The following SLIT2 variants were observed in gnomAD, a reference collection of about 807,000 sequenced individuals.
The protein encoded by SLIT2 is slit homolog 2 protein.
In SLIT2, 41 loss-of-function variants were observed where a neutral mutation model predicts 185.7. That is an observed-to-expected ratio of 0.22 (90% CI 0.17 to 0.29). The LOEUF is 0.29. Ranked by LOEUF, SLIT2 falls within the 10% of genes least tolerant of loss-of-function variation. The pLI is 1.00. For missense variants in SLIT2, 1,571 were observed against 1,909.0 expected, an observed-to-expected ratio of 0.82 and a Z score of 3.30; for synonymous variants, 693 against 680.2, an observed-to-expected ratio of 1.02 and a Z score of -0.29.
intron 5 of SLIT2, among the ~76,000 whole-genome samples, chr4:20,475,488 T>G (rs1419795859): frequency 6.6e-6 from 1 of 152,088 alleles, no homozygotes; most frequent in Non-Finnish European, 1.5e-5. Flanking sequence ...CCTGAGTCAC[T>G]ATGTATTGAG....
chr4:20,352,300 T>A (rs1041944307), intron 4 of SLIT2, among the ~76,000 whole-genome samples: 1 of 80,036 alleles, frequency 1.2e-5, no homozygotes, highest in African/African-American at 4.6e-5. Context: ...TCTTCTCACC[T>A]TTTTTTTTAT....
intron 9 of SLIT2, among the ~76,000 whole-genome samples, chr4:20,496,814 C>CAA (rs1414262211): frequency 6.6e-6 from 1 of 151,980 alleles, no homozygotes; most frequent in Non-Finnish European, 1.5e-5. Flanking sequence ...ATTAATCAGA[C>CAA]ATTTGGAACA....
At chr4:20,265,491 C>A (rs1416145717) in intron 3 of SLIT2, among the ~76,000 whole-genome samples, 1 of 151,882 alleles carries the variant, frequency 6.6e-6, no homozygotes, top group Non-Finnish European at 1.5e-5. Context: ...CATATTACCA[C>A]ATTACTTACG....
rs78512130 is a variant in SLIT2, at chr4:20,373,239, G to T, written c.396-94513G>T. ...CGCTATTATCATACTCAAGAAAACTGCTTTTTCACTTTGTTTAAACTGTAT... is the reference window on the plus strand; with the variant it reads ...CGCTATTATCATACTCAAGAAAACTTCTTTTTCACTTTGTTTAAACTGTAT... On this transcript the variant is annotated intron_variant, in intron 4 of 36. Transcript: ENST00000504154. Among the ~76,000 whole-genome samples, 572 of 152,076 alleles carry T rather than the reference G, an allele frequency of 3.8e-3. 9 individuals are homozygous for T. The highest frequency in any genetic ancestry group is 0.013 in the African/African-American group (525 of 41,522).
intron 4 of SLIT2, among the ~76,000 whole-genome samples, chr4:20,351,036 G>T (rs1471937362): frequency 1.3e-5 from 2 of 150,210 alleles, no homozygotes; most frequent in Admixed American, 6.7e-5. Flanking sequence ...GTTTGATATA[G>T]TCTGTTTCTT....
intron 4 of SLIT2, among the ~76,000 whole-genome samples, chr4:20,310,052 C>T (rs574540744): frequency 3.2e-4 from 49 of 152,246 alleles, no homozygotes; most frequent in African/African-American, 8.9e-4. Flanking sequence ...TGAGCCACCG[C>T]GTCCGGCCCC....
intron 4 of SLIT2, among the ~76,000 whole-genome samples, chr4:20,292,216 C>T (rs1716023378): frequency 6.6e-6 from 1 of 152,102 alleles, no homozygotes; most frequent in Non-Finnish European, 1.5e-5. Context: ...TCTGCTCTGC[C>T]TCTGGGATAG....
intron 4 of SLIT2, among the ~76,000 whole-genome samples, chr4:20,455,910 C>T (rs554855288): frequency 6.6e-6 from 1 of 152,144 alleles, no homozygotes; most frequent in South Asian, 2.1e-4. Context: ...TATTTCTAGG[C>T]ATTTTTTCAA....
chr4:20,388,792 A>T (rs28758427), intron 4 of SLIT2, among the ~76,000 whole-genome samples: 72,157 of 131,300 alleles, frequency 0.55, 20,124 homozygotes, highest in African/African-American at 0.6. Context: ...AAAAAAAAAA[A>T]ATATATATAT....
At chr4:20,557,338 T>C (rs1375324955) in intron 26 of SLIT2, among the ~76,000 whole-genome samples, 3 of 152,018 alleles carry the variant, frequency 2.0e-5, no homozygotes, top group African/African-American at 7.3e-5. Context: ...CTGACTGTCT[T>C]GTTAGGGGCT....
intron 4 of SLIT2, among the ~76,000 whole-genome samples, chr4:20,405,406 C>T (rs2109411202): frequency 6.6e-6 from 1 of 151,970 alleles, no homozygotes; most frequent in African/African-American, 2.4e-5. Context: ...AAGGTGAAAA[C>T]ACAGAATTTG....
At chr4:20,599,721 T>C (rs1251823220) in intron 33 of SLIT2, among the ~76,000 whole-genome samples, 1 of 152,152 alleles carries the variant, frequency 6.6e-6, no homozygotes, top group Admixed American at 6.5e-5. Context: ...CCTTTAGATA[T>C]CAGTGTGCAT....
Position 20,282,660 on chromosome 4 carries a change from G to A in SLIT2, c.395+13779G>A, listed in dbSNP as rs1577364478. ...TGTGGTGGCTACAGTGTACACTTGT[G>A]TGTTAATCTTAAAGGCATACTACAA... On this transcript the variant is annotated intron_variant, in intron 4 of 36. Coordinates refer to ENST00000504154, the MANE Select transcript of SLIT2 (RefSeq NM_004787.4). Among the ~76,000 whole-genome samples, 4 of 152,212 alleles carry A rather than the reference G, an allele frequency of 2.6e-5. No individual in the cohort carries two copies. In the South Asian group the frequency reaches 8.3e-4, roughly 31 times the overall value.
At chr4:20,342,612 G>A (rs760111607) in intron 4 of SLIT2, among the ~76,000 whole-genome samples, 16 of 151,082 alleles carry the variant, frequency 1.1e-4, no homozygotes, top group Non-Finnish European at 1.5e-4. Flanking sequence ...ATTTGAATAT[G>A]CTACTTTAAA....
At chr4:20,443,582 T>TAAAAAAAAAAAAAAAAAA (rs71653885) in intron 4 of SLIT2, among the ~76,000 whole-genome samples, 1 of 63,060 alleles carries the variant, frequency 1.6e-5, no homozygotes, top group Non-Finnish European at 2.8e-5. Flanking sequence ...GGAGAAAATC[T>TAAAAAAAAAAAAAAAAAA]AAAAAAAAAA....
At chr4:20,342,802 A>G (rs1361619590) in intron 4 of SLIT2, among the ~76,000 whole-genome samples, 1 of 137,156 alleles carries the variant, frequency 7.3e-6, no homozygotes, top group African/African-American at 2.8e-5. Flanking sequence ...AAGCAACAGC[A>G]GGGTTGACTA....
chr4:20,325,103 C>G (rs530342549), intron 4 of SLIT2, among the ~76,000 whole-genome samples: 28 of 151,868 alleles, frequency 1.8e-4, no homozygotes, highest in Non-Finnish European at 3.8e-4. Context: ...AGCTCTTTTT[C>G]CCTCCTACTT....
chr4:20,501,949 A>G (rs1198322590), intron 9 of SLIT2, among the ~76,000 whole-genome samples: 4 of 152,212 alleles, frequency 2.6e-5, no homozygotes, highest in Admixed American at 1.3e-4. Context: ...TGTGTTCATG[A>G]TAAGAAAATT....
At chr4:20,573,104 C>T in intron 29 of SLIT2, 1 of 678,636 alleles carries the variant, frequency 1.5e-6, no homozygotes, top group East Asian at 2.7e-5. Flanking sequence ...GTAAGAAATC[C>T]AAGCCTTGCT....
Sources: gnomAD v4.1 joint callset for allele counts (sites outside exome capture counted in the v4.1 genomes callset) on GRCh38, gnomAD v4.1.1 for gene constraint, MANE v1.5 for transcripts, NCBI Gene and HGNC (gene_info 2026-07-23, HGNC 2026-07-21) for gene names.